GPR89A: variants seen among roughly 807,000 people sequenced by gnomAD.
GPR89A encodes the protein G protein-coupled receptor 89A.
Under a neutral mutation model 52.0 loss-of-function variants are expected in GPR89A, and 16 were observed. The ratio of observed to expected loss-of-function variants is 0.31; its 90% confidence interval spans 0.21 to 0.47. GPR89A has a LOEUF of 0.47. Ranked by LOEUF, GPR89A falls within the 20% of genes least tolerant of loss-of-function variation. The probability of loss-of-function intolerance (pLI) is 1.00; values close to 1 mark genes in which losing one functional copy is unlikely to be tolerated. For synonymous variants in GPR89A, 55 were observed against 150.9 expected, an observed-to-expected ratio of 0.36 and a Z score of 4.66; for missense variants, 135 against 449.4, an observed-to-expected ratio of 0.30 and a Z score of 6.33.
intron 1 of GPR89A, among the ~76,000 whole-genome samples, chr1:145,615,067 A>C (rs1648574091): frequency 6.6e-6 from 1 of 152,218 alleles, no homozygotes; most frequent in Admixed American, 6.5e-5. Context: ...GTCAGTGTGT[A>C]TGTATAGAAA....
chr1:145,659,484 CTA>C (rs1312571056), intron 10 of GPR89A, among the ~76,000 whole-genome samples: 2 of 151,684 alleles, frequency 1.3e-5, no homozygotes, highest in African/African-American at 4.8e-5. Flanking sequence ...TGCGACCGGC[CTA>C]TGTTTAACCT....
At chr1:145,656,693 C>G (rs1378271189) in intron 10 of GPR89A, among the ~76,000 whole-genome samples, 1 of 152,094 alleles carries the variant, frequency 6.6e-6, no homozygotes, top group African/African-American at 2.4e-5. Context: ...TCTCCTGCTC[C>G]TTCTCCAGCC....
chr1:145,628,934 G>A (rs1389114676), intron 5 of GPR89A, among the ~76,000 whole-genome samples: 1 of 152,044 alleles, frequency 6.6e-6, no homozygotes, highest in Non-Finnish European at 1.5e-5. Context: ...AAAGAGAATT[G>A]AAACTAAAGA....
chr1:145,642,651 A>AT (rs1399489689), intron 7 of GPR89A, among the ~76,000 whole-genome samples: 1 of 152,182 alleles, frequency 6.6e-6, no homozygotes, highest in Non-Finnish European at 1.5e-5. Context: ...AGTCCCAGGC[A>AT]TAAATACCAA....
rs587621404 is a variant in GPR89A, at chr1:145,623,749, G to A, written c.415+35G>A. The A allele has an allele frequency of 2.2e-5, 35 of 1,598,816 alleles. No homozygotes were observed. In the East Asian group the frequency reaches 7.6e-4, roughly 35 times the overall value. On this transcript the variant is annotated intron_variant, in intron 5 of 13. Transcript: ENST00000313835. ...TATAGGAGGGCAGAGGAAGTGGGGG[G>A]AGACGATTTGTTTAATTTTCTGATT...
At position 145,608,003 on chromosome 1, in the gene GPR89A, C is replaced by A. The variant is rs1233758021; in HGVS notation, c.-131C>A. The A allele has an allele frequency of 1.3e-4, 131 of 1,023,144 alleles. No individual in the cohort carries two copies. In the Middle Eastern group the frequency reaches 1.7e-3, roughly 13 times the overall value. 63.4% of individuals were successfully genotyped at this position (1,023,144 alleles called of 1,614,324 possible). On this transcript the variant is annotated 5_prime_UTR_variant, in exon 1 of 14. It introduces an in-frame stop codon into an upstream open reading frame of the 5' UTR. Transcript: ENST00000313835. ...TGACTGGGGCGCAGCTTGATGGCGT[C>A]GGGCTGGAGAGCCGCAGTCCCGGCT...
At chr1:145,616,188 C>T in intron 1 of GPR89A, 46 bp from the exon 2 acceptor site, 11 of 1,461,892 alleles carry the variant, frequency 7.5e-6, no homozygotes, top group Non-Finnish European at 9.5e-6. Context: ...TAAAACATTT[C>T]TCAAAAGAAA....
At chr1:145,663,515 G>A (rs1359405878) in intron 11 of GPR89A, 91 bp downstream of exon 11, 1 of 1,540,324 alleles carries the variant, frequency 6.5e-7, no homozygotes, top group Admixed American at 1.9e-5. Flanking sequence ...TATACTTTAG[G>A]TACTTGCTTC....
At chr1:145,615,289 C>T (rs1648592690) in intron 1 of GPR89A, among the ~76,000 whole-genome samples, 1 of 152,106 alleles carries the variant, frequency 6.6e-6, no homozygotes, top group Non-Finnish European at 1.5e-5. Context: ...TCTACTACTC[C>T]TCTAATTTTG....
chr1:145,648,636 C>T (rs1251982974), intron 10 of GPR89A, among the ~76,000 whole-genome samples: 2 of 151,638 alleles, frequency 1.3e-5, no homozygotes, highest in Admixed American at 6.6e-5. Flanking sequence ...CGCACCACCA[C>T]GCCCAGCTAA....
In GPR89A at chr1:145,669,684, G is replaced by T. The variant is rs782175149; in HGVS notation, c.1155G>T (p.Gln385His). The change falls in exon 13 of 14, where the codon CAG becomes CAT. Residue 385 changes from glutamine to histidine, a missense_variant. Gln to His is a conservative substitution (Grantham distance 24). Coordinates refer to ENST00000313835, the MANE Select transcript of GPR89A (RefSeq NM_001097612.2). The part of the protein sequence containing the change: ...SSNVIVLLLA[Q>H]IMGMYFVSSV... ...ATGTCATTGTCCTGCTATTAGCACA[G>T]ATAATGGTAAGTTTAATTAGTTACC... The T allele has an allele frequency of 1.9e-6, 3 of 1,611,504 alleles. No homozygotes were observed. The East Asian group carries it at 6.7e-5, about 36-fold the overall frequency.
chr1:145,657,931 T>A (rs1470848543), intron 10 of GPR89A, among the ~76,000 whole-genome samples: 3 of 151,452 alleles, frequency 2.0e-5, no homozygotes, highest in African/African-American at 7.3e-5. Context: ...ATATTCATAG[T>A]TTTATAACCA....
chr1:145,654,350 G>A (rs1486345246), intron 10 of GPR89A, among the ~76,000 whole-genome samples: 1 of 151,754 alleles, frequency 6.6e-6, no homozygotes, highest in Non-Finnish European at 1.5e-5. Flanking sequence ...TCAGAAGATC[G>A]AGACCATCCT....
chr1:145,644,776 A>G (rs1350371381), intron 8 of GPR89A: 2 of 152,420 alleles, frequency 1.3e-5, no homozygotes, highest in East Asian at 1.9e-4. Context: ...AGGAGATTTG[A>G]TTAATAGATT....
intron 10 of GPR89A, among the ~76,000 whole-genome samples, chr1:145,654,835 T>C (rs1651705801): frequency 6.6e-6 from 1 of 152,180 alleles, no homozygotes; most frequent in Non-Finnish European, 1.5e-5. Context: ...AGTTCTGGCC[T>C]GTATTGCTAG....
intron 7 of GPR89A, among the ~76,000 whole-genome samples, chr1:145,641,566 C>G (rs1242092284): frequency 2.6e-5 from 4 of 151,710 alleles, no homozygotes; most frequent in Admixed American, 1.3e-4. Flanking sequence ...AAAAGTTTAA[C>G]TAAAAAAAAG....
At chr1:145,638,992 T>C (rs1650436715) in intron 7 of GPR89A, among the ~76,000 whole-genome samples, 2 of 150,134 alleles carry the variant, frequency 1.3e-5, no homozygotes, top group African/African-American at 5.0e-5. Flanking sequence ...ATTGTCTTTC[T>C]ATAAGCTAGC....
At chr1:145,608,338 G>C (rs1647969703) in intron 1 of GPR89A, 163 bp downstream of exon 1, 1 of 1,158,776 alleles carries the variant, frequency 8.6e-7, no homozygotes, top group Non-Finnish European at 1.2e-6. Flanking sequence ...GCTGCGGCCG[G>C]TTCCCTCAGC....
intron 7 of GPR89A, among the ~76,000 whole-genome samples, chr1:145,641,908 C>T (rs1412664375): frequency 2.0e-5 from 3 of 152,038 alleles, no homozygotes; most frequent in Non-Finnish European, 4.4e-5. Flanking sequence ...ATATTGTTAC[C>T]TTCTTAAATA....
Sources: allele counts gnomAD v4.1 joint callset (sites outside exome capture counted in the v4.1 genomes callset), GRCh38; gene constraint gnomAD v4.1.1; transcripts MANE v1.5; gene names NCBI Gene and HGNC (gene_info 2026-07-23, HGNC 2026-07-21).